CEP85L: variants seen among roughly 807,000 people sequenced by gnomAD.
CEP85L encodes the protein centrosomal protein 85L.
Under a neutral mutation model 100.3 loss-of-function variants are expected in CEP85L, and 60 were observed. The observed-to-expected ratio is 0.60, with a 90% CI of 0.49 to 0.74. The LOEUF (loss-of-function observed/expected upper bound fraction) is 0.74, where lower values mean the gene tolerates loss of function less well. Ranked by LOEUF, CEP85L falls within the 30% of genes least tolerant of loss-of-function variation. The probability of loss-of-function intolerance (pLI) is 0.00; values close to 1 mark genes in which losing one functional copy is unlikely to be tolerated. For synonymous variants in CEP85L, 319 were observed against 322.7 expected (o/e 0.99, Z 0.12); for missense variants, 973 against 936.2 (o/e 1.04, Z -0.51).
At chr6:118,646,849 A>G in intron 1 of CEP85L, 2 of 777,252 alleles carry the variant, frequency 2.6e-6, no homozygotes, top group Non-Finnish European at 3.1e-6. Flanking sequence ...GACTCTCTCA[A>G]CCCTTTCTGT....
intron 5 of CEP85L, among the ~76,000 whole-genome samples, chr6:118,492,829 G>T (rs767259548): frequency 2.6e-5 from 4 of 152,134 alleles, no homozygotes; most frequent in Non-Finnish European, 5.9e-5. Flanking sequence ...AGTTACATGT[G>T]CAGTAGCTAA....
intron 10 of CEP85L, 35 bp from the exon 11 acceptor site, chr6:118,470,679 G>T: frequency 8.2e-7 from 1 of 1,213,186 alleles, no homozygotes; most frequent in African/African-American, 1.5e-5. Context: ...AGCAAAACAG[G>T]TTAACATGTA....
chr6:118,465,936 G>A (rs190182751), intron 12 of CEP85L, among the ~76,000 whole-genome samples: 2 of 152,242 alleles, frequency 1.3e-5, no homozygotes, highest in East Asian at 3.9e-4. Context: ...GTAGTAAGAG[G>A]TGGTATCTTA....
intron 11 of CEP85L, 35 bp downstream of exon 11, chr6:118,470,502 T>A: frequency 1.5e-6 from 2 of 1,303,150 alleles, no homozygotes. Flanking sequence ...TAGTGAATCA[T>A]CCTTTCAAAG....
At chr6:118,552,695 G>A (rs1778622372) in intron 3 of CEP85L, among the ~76,000 whole-genome samples, 1 of 150,600 alleles carries the variant, frequency 6.6e-6, no homozygotes, top group Admixed American at 6.6e-5. Flanking sequence ...CTTTTCTTGA[G>A]GAAAGGACGA....
upstream of CEP85L, chr6:118,652,279 C>G (rs147732925): frequency 7.1e-5 from 34 of 476,218 alleles, no homozygotes; most frequent in Non-Finnish European, 9.1e-5. Flanking sequence ...CCTCCTTGCC[C>G]CCTACTCCTT....
chr6:118,590,089 T>C lies in CEP85L; in HGVS notation c.233-23773A>G, dbSNP rs191987051. ...CACACATACACACGTGGAATACCAC[T>C]ATAAATATCTCCATCTGCTTTTCCC... On this transcript the variant is annotated intron_variant, in intron 2 of 12. Transcript: ENST00000368491. Among the ~76,000 whole-genome samples, 4 of 152,036 alleles carry C rather than the reference T, an allele frequency of 2.6e-5. No homozygotes were observed. The East Asian group carries it at 7.7e-4, about 29-fold the overall frequency.
chr6:118,575,691 TC>T (rs1332180518), intron 2 of CEP85L, among the ~76,000 whole-genome samples: 2 of 152,206 alleles, frequency 1.3e-5, no homozygotes, highest in Non-Finnish European at 2.9e-5. Flanking sequence ...TGTCTCAGCT[TC>T]ATCAAGGAAC....
chr6:118,503,306 A>C (rs1033302374), intron 5 of CEP85L, among the ~76,000 whole-genome samples: 1 of 152,222 alleles, frequency 6.6e-6, no homozygotes, highest in African/African-American at 2.4e-5. Context: ...TAAATAAATG[A>C]ATAGATATTC....
chr6:118,537,417 T>C (rs181745766), intron 3 of CEP85L: 206 of 668,328 alleles, frequency 3.1e-4, no homozygotes, highest in Admixed American at 4.4e-4. Context: ...AGGCCTCATT[T>C]AGATGTTTTA....
intron 2 of CEP85L, among the ~76,000 whole-genome samples, chr6:118,575,026 A>C (rs1030925106): frequency 6.6e-6 from 1 of 152,156 alleles, no homozygotes; most frequent in Non-Finnish European, 1.5e-5. Context: ...AGAAATCTCT[A>C]GTAAACAGAG....
At chr6:118,701,308 A>T (rs1562366456) in intron 1 of CEP85L, among the ~76,000 whole-genome samples, 1 of 152,226 alleles carries the variant, frequency 6.6e-6, no homozygotes, top group Non-Finnish European at 1.5e-5. Flanking sequence ...ATTCTGCCAA[A>T]AAAACACATG....
chr6:118,480,546 A>G (rs758496541), intron 8 of CEP85L, 33 bp from the exon 9 acceptor site: 1 of 1,345,462 alleles, frequency 7.4e-7, no homozygotes, highest in East Asian at 2.3e-5. Context: ...GAAGAAAATA[A>G]GCTCTATTTG....
intron 2 of CEP85L, among the ~76,000 whole-genome samples, chr6:118,627,198 C>CAAAAAAAAAAAAAAAAAAAAAAAA: frequency 1.4e-5 from 1 of 72,578 alleles, no homozygotes; most frequent in Non-Finnish European, 2.6e-5. Context: ...GACTCCATCT[C>CAAAAAAAAAAAAAAAAAAAAAAAA]AAAAAAAAAA....
intron 2 of CEP85L, among the ~76,000 whole-genome samples, chr6:118,604,426 T>C (rs1426946363): frequency 6.6e-6 from 1 of 152,224 alleles, no homozygotes; most frequent in Non-Finnish European, 1.5e-5. Context: ...ACTTTTAGCT[T>C]TATTCTAACT....
At chr6:118,512,617 C>T (rs951440140) in intron 4 of CEP85L, among the ~76,000 whole-genome samples, 4 of 151,984 alleles carry the variant, frequency 2.6e-5, no homozygotes, top group African/African-American at 9.7e-5. Flanking sequence ...ACAGGATAGC[C>T]ACCCTCAATA....
intron 2 of CEP85L, among the ~76,000 whole-genome samples, chr6:118,606,075 T>G (rs1772190880): frequency 6.6e-6 from 1 of 150,986 alleles, no homozygotes; most frequent in Non-Finnish European, 1.5e-5. Context: ...TTTAGTCGAC[T>G]GAAAAGAAAA....
intron 1 of CEP85L, among the ~76,000 whole-genome samples, chr6:118,685,485 A>G (rs1322773715): frequency 6.6e-6 from 1 of 152,254 alleles, no homozygotes; most frequent in Non-Finnish European, 1.5e-5. Context: ...ATTCTAGCTC[A>G]CAATGAAAAA....
chr6:118,601,878 CAT>C (rs1781807383), intron 2 of CEP85L, among the ~76,000 whole-genome samples: 1 of 152,144 alleles, frequency 6.6e-6, no homozygotes, highest in Non-Finnish European at 1.5e-5. Flanking sequence ...TTTACTGCAA[CAT>C]GTTTTATCAG....
Sources: gnomAD v4.1 joint callset for allele counts (sites outside exome capture counted in the v4.1 genomes callset) on GRCh38, gnomAD v4.1.1 for gene constraint, MANE v1.5 for transcripts, NCBI Gene and HGNC (gene_info 2026-07-23, HGNC 2026-07-21) for gene names.